The following SOD2 variants were observed in gnomAD, a reference collection of about 807,000 sequenced individuals.
SOD2 encodes the protein superoxide dismutase 2, also known as superoxide dismutase [Mn], mitochondrial.
Under a neutral mutation model 27.0 loss-of-function variants are expected in SOD2, and 11 were observed. The observed-to-expected ratio is 0.41, with a 90% CI of 0.26 to 0.67. The LOEUF (loss-of-function observed/expected upper bound fraction) is 0.67, where lower values mean the gene tolerates loss of function less well. SOD2 is among the 30% of genes least tolerant of loss of function. SOD2 has a pLI of 0.34. For missense variants in SOD2, 250 were observed against 274.5 expected, an observed-to-expected ratio of 0.91 and a Z score of 0.63; for synonymous variants, 105 against 103.0, an observed-to-expected ratio of 1.02 and a Z score of -0.12.
chr6:159,693,128 G>A lies in SOD2; in HGVS notation c.23+17C>T, dbSNP rs748046075. 2.0e-5 allele frequency: 31 copies of A among 1,529,210 alleles called. No homozygotes were observed. Among genetic ancestry groups the A allele is most frequent in the Non-Finnish European group, 2.6e-5 (30 of 1,138,694 alleles). 94.7% of individuals were successfully genotyped at this position (1,529,210 alleles called of 1,614,324 possible). ...CCTTCGCCCTTGGGGCCGTGACCGG[G>A]TCCCCTTTCTTCTCACCCGCACACT... On this transcript the variant is annotated intron_variant, in intron 1 of 4. Coordinates refer to ENST00000538183, the MANE Select transcript of SOD2 (RefSeq NM_000636.4).
Position 159,681,782 on chromosome 6 carries a change from T to A in SOD2, c.*711A>T, listed in dbSNP as rs1412825710. 6.6e-6 allele frequency: 1 copy of A among 152,266 alleles called. No homozygotes were observed. The highest frequency in any genetic ancestry group is 1.5e-5 in the Non-Finnish European group (1 of 68,060). The allele number at this position is 152,266 out of a possible 1,614,324, so 9.4% of individuals were successfully genotyped here. ...AAATACTCTAGCTTGTAGGTCATCA[T>A]GGAGATTGGGTCTCAAGCATGAGCT... On this transcript the variant is annotated 3_prime_UTR_variant, in exon 5 of 5. Coordinates refer to ENST00000538183, the MANE Select transcript of SOD2 (RefSeq NM_000636.4).
rs373027980 is a variant in SOD2 at position 159,738,831 on chromosome 6, T to TA, written c.-116+6298dup. ...TGTTAAGATACCAAATAGTTTACCT[T>TA]AAAAAAAAAAAACTTTTGTAATAAA... On this transcript the variant is annotated intron_variant, in intron 1 of 3. Coordinates refer to the SOD2 transcript ENST00000537657. 7.4e-3 allele frequency among the ~76,000 whole-genome samples: 1,081 copies of TA among 145,188 alleles called. 7 individuals carry two copies. Among genetic ancestry groups the TA allele is most frequent in the African/African-American group, 0.019 (769 of 39,998 alleles).
At chr6:159,742,164 C>A (rs996278693) in intron 1 of SOD2, 2 of 1,585,110 alleles carry the variant, frequency 1.3e-6, no homozygotes, top group African/African-American at 2.7e-5. Context: ...TGAGTTTTAG[C>A]TTCCTAAAGA....
At chr6:159,713,052 ACT>A in intron 1 of SOD2, 1 of 649,790 alleles carries the variant, frequency 1.5e-6, no homozygotes, top group Non-Finnish European at 2.8e-6. Context: ...TTCAATATGT[ACT>A]CTCATGAGGT....
At chr6:159,727,036 C>A in intron 1 of SOD2, 1 of 1,228,184 alleles carries the variant, frequency 8.1e-7, no homozygotes, top group Non-Finnish European at 1.0e-6. Flanking sequence ...CGCAGGTGGC[C>A]CCGGCGAGTA....
In SOD2 at chr6:159,674,104, A is replaced by G. The variant is rs2114747907; in HGVS notation, c.*8389T>C. ...GGCTCTGAAATTGAGGCAATAATTA[A>G]TAGCCTACCAACCAAAAAAAGTCCA... On this transcript the variant is annotated 3_prime_UTR_variant, in exon 5 of 5. Coordinates refer to ENST00000538183, the MANE Select transcript of SOD2 (RefSeq NM_000636.4). 1 of 152,350 alleles carries G rather than the reference A, an allele frequency of 6.6e-6. No homozygotes were observed. Among genetic ancestry groups the G allele is most frequent in the South Asian group, 2.1e-4 (1 of 4,830 alleles). The allele number at this position is 152,350 out of a possible 1,614,324, so 9.4% of individuals were successfully genotyped here.
At chr6:159,688,337 T>C (rs114887898) in intron 2 of SOD2, 95 bp from the exon 3 acceptor site, 14 of 745,776 alleles carry the variant, frequency 1.9e-5, no homozygotes, top group Non-Finnish European at 2.3e-5. Flanking sequence ...TATTAGATAA[T>C]GGGACCAGCT....
At chr6:159,744,497 T>C (rs373900890) in intron 1 of SOD2, among the ~76,000 whole-genome samples, 2 of 149,560 alleles carry the variant, frequency 1.3e-5, no homozygotes, top group South Asian at 2.2e-4. Flanking sequence ...TTCTGGTCAT[T>C]GGAGACACCA....
intron 1 of SOD2, among the ~76,000 whole-genome samples, chr6:159,702,524 A>G (rs1377499770): frequency 6.6e-6 from 1 of 151,054 alleles, no homozygotes; most frequent in Non-Finnish European, 1.5e-5. Flanking sequence ...CAACCTCCCA[A>G]CCTCAGACAA....
chr6:159,705,714 C>T (rs1223521701), intron 1 of SOD2, among the ~76,000 whole-genome samples: 1 of 152,230 alleles, frequency 6.6e-6, no homozygotes, highest in African/African-American at 2.4e-5. Context: ...TCCAGGAGAA[C>T]TTCCCCAACC....
rs747195934 is a variant in SOD2 at position 159,762,097 on chromosome 6, G to A, written c.-1396C>T. 1.1e-5 allele frequency: 17 copies of A among 1,613,230 alleles called. No individual in the cohort carries two copies. The South Asian group carries it at 1.5e-4, about 15-fold the overall frequency. Reference sequence around the variant, plus strand: ...CGGCAGGAGAAGCAAGATGAATGCAGGCTCAGATCCTGTGGTCATCGTCTC... The same window carrying A: ...CGGCAGGAGAAGCAAGATGAATGCAAGCTCAGATCCTGTGGTCATCGTCTC... On this transcript the variant is annotated 5_prime_UTR_variant, in exon 1 of 8. Transcript: ENST00000546087.
chr6:159,733,463 T>A (rs1231687937), intron 1 of SOD2, among the ~76,000 whole-genome samples: 2 of 58,732 alleles, frequency 3.4e-5, no homozygotes, highest in Non-Finnish European at 7.8e-5. Flanking sequence ...CCAAAAAAAA[T>A]TACAAAAAAT....
At chr6:159,742,661 A>G (rs773948776) in intron 1 of SOD2, among the ~76,000 whole-genome samples, 17 of 152,158 alleles carry the variant, frequency 1.1e-4, no homozygotes, top group African/African-American at 2.4e-4. Flanking sequence ...CTATTTGTTG[A>G]GTATAAAAAC....
intron 1 of SOD2, among the ~76,000 whole-genome samples, chr6:159,725,065 C>T (rs1165558512): frequency 2.0e-5 from 3 of 152,158 alleles, no homozygotes; most frequent in Admixed American, 2.0e-4. Context: ...ATGCTCAGCT[C>T]CGGGACTTTA....
rs1019210865 is a variant in SOD2 at position 159,673,600 on chromosome 6, G to A, written c.*8893C>T. 1.3e-5 allele frequency: 2 copies of A among 152,154 alleles called. No individual in the cohort carries two copies. The highest frequency in any genetic ancestry group is 2.4e-5 in the African/African-American group (1 of 41,440). The allele number at this position is 152,154 out of a possible 1,614,324, so 9.4% of individuals were successfully genotyped here. ...ATCTCTGGGACACATTTAAAGCAGTGTGTAGAGGGAAATTTACAGCACTAA... is the reference window on the plus strand; with the variant it reads ...ATCTCTGGGACACATTTAAAGCAGTATGTAGAGGGAAATTTACAGCACTAA... On this transcript the variant is annotated 3_prime_UTR_variant, in exon 5 of 5. Transcript: ENST00000538183.
chr6:159,727,130 G>A (rs1778216326), exon 1 of SOD2: 1 of 1,195,628 alleles, frequency 8.4e-7, no homozygotes, highest in Non-Finnish European at 1.1e-6. Flanking sequence ...TTCCCTTACT[G>A]AGCTTGCTGA....
At chr6:159,741,823 AC>A (rs1011194744) in intron 1 of SOD2, 59 of 295,050 alleles carry the variant, frequency 2.0e-4, no homozygotes, top group African/African-American at 1.3e-3. Flanking sequence ...CCCCATCTCT[AC>A]AAAAAAATGA....
rs1779704174 is a variant in SOD2, at chr6:159,673,108, A to C, written c.*9385T>G. 2.0e-5 allele frequency: 3 copies of C among 152,206 alleles called. No individual in the cohort carries two copies. In the South Asian group the frequency reaches 6.2e-4, roughly 32 times the overall value. 9.4% of individuals were successfully genotyped at this position (152,206 alleles called of 1,614,324 possible). ...ACCCAGATTCATAAACCAAGTCCTT[A>C]GAGACCTACAAAGAGATTTAGACTC... On this transcript the variant is annotated 3_prime_UTR_variant, in exon 5 of 5. Coordinates refer to ENST00000538183, the MANE Select transcript of SOD2 (RefSeq NM_000636.4).
At chr6:159,744,531 T>TA (rs1554264517) in intron 1 of SOD2, among the ~76,000 whole-genome samples, 13 of 152,034 alleles carry the variant, frequency 8.6e-5, no homozygotes, top group African/African-American at 3.1e-4. Context: ...ACAGTCCTGT[T>TA]CTGTTTCTTT....
Sources: gnomAD v4.1 joint callset for allele counts (sites outside exome capture counted in the v4.1 genomes callset) on GRCh38, gnomAD v4.1.1 for gene constraint, MANE v1.5 for transcripts, NCBI Gene and HGNC (gene_info 2026-07-23, HGNC 2026-07-21) for gene names.